The following RNF38 variants were observed in gnomAD, a reference collection of about 807,000 sequenced individuals.
RNF38 encodes E3 ubiquitin-protein ligase RNF38.
In RNF38, 15 loss-of-function variants were observed where a neutral mutation model predicts 67.2. The observed-to-expected ratio is 0.22, with a 90% confidence interval of 0.15 to 0.34. The LOEUF is 0.34. Among genes scored for constraint, RNF38 ranks in the 10% least tolerant of loss-of-function variants. The probability of loss-of-function intolerance (pLI) is 1.00; values close to 1 mark genes in which losing one functional copy is unlikely to be tolerated. For synonymous variants in RNF38, 220 were observed against 218.8 expected (o/e 1.01, Z -0.05); for missense variants, 524 against 639.9 (o/e 0.82, Z 1.95).
intron 2 of RNF38, among the ~76,000 whole-genome samples, chr9:36,389,287 T>G (rs1440614024): frequency 6.6e-6 from 1 of 150,464 alleles, no homozygotes; most frequent in Non-Finnish European, 1.5e-5. Context: ...TCTCTGAAAT[T>G]AAAGTTTATA....
At chr9:36,450,566 T>C (rs1396010691) in intron 1 of RNF38, among the ~76,000 whole-genome samples, 3 of 152,164 alleles carry the variant, frequency 2.0e-5, no homozygotes, top group Non-Finnish European at 4.4e-5. Context: ...GCTCAAAATA[T>C]AGAACTTGGT....
intron 1 of RNF38, among the ~76,000 whole-genome samples, chr9:36,458,724 C>A (rs983960159): frequency 6.6e-6 from 1 of 152,170 alleles, no homozygotes; most frequent in South Asian, 2.1e-4. Flanking sequence ...GTAACACTCA[C>A]CGCGAGGGTC....
At chr9:36,448,644 C>A (rs1029142842) in intron 1 of RNF38, among the ~76,000 whole-genome samples, 2 of 152,048 alleles carry the variant, frequency 1.3e-5, no homozygotes, top group Non-Finnish European at 2.9e-5. Flanking sequence ...CTCTGAAATT[C>A]AAAGTTCTTC....
chr9:36,378,800 A>T (rs1301065478), intron 2 of RNF38, among the ~76,000 whole-genome samples: 2 of 152,210 alleles, frequency 1.3e-5, no homozygotes, highest in Non-Finnish European at 2.9e-5. Flanking sequence ...GCGAAAAGTA[A>T]AGTTACCATC....
At chr9:36,386,364 C>T (rs1836635975) in intron 2 of RNF38, among the ~76,000 whole-genome samples, 1 of 152,162 alleles carries the variant, frequency 6.6e-6, no homozygotes, top group African/African-American at 2.4e-5. Flanking sequence ...GATATTTTGG[C>T]TAGAAATTTC....
At chr9:36,396,685 A>G (rs943901599) in intron 1 of RNF38, among the ~76,000 whole-genome samples, 3 of 152,032 alleles carry the variant, frequency 2.0e-5, no homozygotes, top group African/African-American at 7.2e-5. Context: ...GGGCACAGGG[A>G]TCTTTGGGGG....
At chr9:36,394,450 G>C (rs1323585184) in intron 1 of RNF38, among the ~76,000 whole-genome samples, 3 of 152,158 alleles carry the variant, frequency 2.0e-5, no homozygotes, top group Non-Finnish European at 4.4e-5. Flanking sequence ...TATATAACTT[G>C]AATAAAAATT....
At chr9:36,406,009 G>A (rs897190662), upstream of RNF38, among the ~76,000 whole-genome samples, 1 of 152,192 alleles carries the variant, frequency 6.6e-6, no homozygotes, top group Non-Finnish European at 1.5e-5. Context: ...AGTTGACTAT[G>A]AGGTTACAGG....
chr9:36,434,744 A>G (rs1839023209), intron 1 of RNF38, among the ~76,000 whole-genome samples: 1 of 152,130 alleles, frequency 6.6e-6, no homozygotes, highest in Admixed American at 6.5e-5. Context: ...TCACAAACAT[A>G]CTTGGCCCTC....
rs1479957725 is a variant in RNF38 at position 36,370,044 on chromosome 9, T to C, written c.357-112A>G. 2.9e-5 allele frequency: 24 copies of C among 828,670 alleles called. No individual in the cohort carries two copies. The Admixed American group carries it at 7.4e-4, about 26-fold the overall frequency. 51.3% of individuals were successfully genotyped at this position (828,670 alleles called of 1,614,324 possible). Reference sequence around the variant, plus strand: ...TATATGCTAAGGTAAGCTTCATTATTAAATAACTGCTAAAATTCCCCATCA... The same window carrying C: ...TATATGCTAAGGTAAGCTTCATTATCAAATAACTGCTAAAATTCCCCATCA... On this transcript the variant is annotated intron_variant, in intron 3 of 11. Transcript: ENST00000259605.
At chr9:36,487,067 AGAGAG>A (rs1840431741) in intron 1 of RNF38, among the ~76,000 whole-genome samples, 1 of 152,146 alleles carries the variant, frequency 6.6e-6, no homozygotes, top group Non-Finnish European at 1.5e-5. Context: ...GCAGAGACCT[AGAGAG>A]GTCCTGCCCT....
chr9:36,385,314 A>G (rs1312863194), intron 2 of RNF38, among the ~76,000 whole-genome samples: 1 of 152,108 alleles, frequency 6.6e-6, no homozygotes, highest in African/African-American at 2.4e-5. Flanking sequence ...TCCCAAAGCC[A>G]AACTTGCACC....
intron 1 of RNF38, among the ~76,000 whole-genome samples, chr9:36,474,428 C>G (rs1477745053): frequency 1.3e-5 from 2 of 148,820 alleles, no homozygotes; most frequent in Non-Finnish European, 3.0e-5. Context: ...AAATAGTGAT[C>G]AACTTTGCTT....
intron 1 of RNF38, among the ~76,000 whole-genome samples, chr9:36,455,854 T>G (rs1839580291): frequency 1.4e-5 from 2 of 147,006 alleles, no homozygotes; most frequent in African/African-American, 5.1e-5. Context: ...GAGGTTGCAG[T>G]GAGCCGAGAC....
intron 2 of RNF38, among the ~76,000 whole-genome samples, chr9:36,416,661 C>T (rs1287893657): frequency 6.6e-6 from 1 of 151,826 alleles, no homozygotes; most frequent in Non-Finnish European, 1.5e-5. Context: ...TTCCCAAGAA[C>T]CCCTGGTAAG....
At chr9:36,382,732 T>C (rs1255218325) in intron 2 of RNF38, among the ~76,000 whole-genome samples, 3 of 152,168 alleles carry the variant, frequency 2.0e-5, no homozygotes, top group African/African-American at 7.2e-5. Flanking sequence ...GAAATGGAAT[T>C]TCTCAAGAAC....
intron 1 of RNF38, among the ~76,000 whole-genome samples, chr9:36,396,870 T>C (rs2134095511): frequency 6.6e-6 from 1 of 152,174 alleles, no homozygotes; most frequent in Non-Finnish European, 1.5e-5. Flanking sequence ...TTACTACCCT[T>C]TGAGATCCAA....
At chr9:36,358,745 C>T (rs1446393308) in intron 4 of RNF38, among the ~76,000 whole-genome samples, 1 of 152,172 alleles carries the variant, frequency 6.6e-6, no homozygotes, top group African/African-American at 2.4e-5. Flanking sequence ...CACGGTGGCT[C>T]ATGCCTGTAA....
rs144466890 is a variant in RNF38 at position 36,341,092 on chromosome 9, G to A, written c.1485+1233C>T. 7.3e-3 allele frequency among the ~76,000 whole-genome samples: 1,111 copies of A among 152,100 alleles called. 6 individuals carry two copies. The highest frequency in any genetic ancestry group is 0.012 in the Non-Finnish European group (847 of 67,990). On this transcript the variant is annotated intron_variant, in intron 11 of 11. Coordinates refer to ENST00000259605, the MANE Select transcript of RNF38 (RefSeq NM_022781.5). ...ACAGTCTGTTATATACTTCCCAAATGCTTTCAGGATCACACTAAACTCCTT... is the reference window on the plus strand; with the variant it reads ...ACAGTCTGTTATATACTTCCCAAATACTTTCAGGATCACACTAAACTCCTT...
Sources: gnomAD v4.1 joint callset for allele counts (sites outside exome capture counted in the v4.1 genomes callset) on GRCh38, gnomAD v4.1.1 for gene constraint, MANE v1.5 for transcripts, NCBI Gene and HGNC (gene_info 2026-07-23, HGNC 2026-07-21) for gene names.